The following CTIF variants were observed in gnomAD, a reference collection of about 807,000 sequenced individuals.
CTIF encodes the protein cap binding complex dependent translation initiation factor.
In CTIF, 21 loss-of-function variants were observed where a neutral mutation model predicts 66.0. That is an observed-to-expected ratio of 0.32 (90% CI 0.23 to 0.46). CTIF has a LOEUF of 0.46. CTIF is among the 20% of genes least tolerant of loss of function. The pLI is 1.00. For synonymous variants in CTIF, 345 were observed against 326.4 expected (o/e 1.06, Z -0.62); for missense variants, 739 against 812.7 (o/e 0.91, Z 1.10).
At chr18:48,709,335 T>A (rs1007105860) in intron 6 of CTIF, among the ~76,000 whole-genome samples, 4 of 152,340 alleles carry the variant, frequency 2.6e-5, no homozygotes, top group African/African-American at 9.6e-5. Context: ...AACAGTGGCT[T>A]CATGAGAAGC....
rs574913577 is a variant in CTIF at position 48,639,337 on chromosome 18, T to G, written c.252+2652T>G. ...CCTGGTGCTGAGCTCCCGGTGGGCT[T>G]GAAGCCAGGGACCTGCCTTCAAGGG... On this transcript the variant is annotated intron_variant, in intron 3 of 11. Coordinates refer to ENST00000256413, the MANE Select transcript of CTIF (RefSeq NM_014772.3). Among the ~76,000 whole-genome samples the G allele has an allele frequency of 3.3e-3, 505 of 152,256 alleles. 3 individuals carry two copies. Among genetic ancestry groups the G allele is most frequent in the African/African-American group, 0.011 (453 of 41,548 alleles).
intron 1 of CTIF, among the ~76,000 whole-genome samples, chr18:48,610,365 A>G (rs1325125359): frequency 1.9e-5 from 2 of 103,922 alleles, no homozygotes; most frequent in Non-Finnish European, 4.6e-5. Context: ...CAGGACCTGC[A>G]CGTCACAGAG....
intron 7 of CTIF, chr18:48,755,648 T>G (rs1908283677): frequency 6.6e-6 from 1 of 152,192 alleles, no homozygotes; most frequent in African/African-American, 2.4e-5. Flanking sequence ...CACCCAAGTG[T>G]CAAGGCAACA....
chr18:48,635,815 C>A (rs1212893937), intron 2 of CTIF, among the ~76,000 whole-genome samples: 1 of 152,232 alleles, frequency 6.6e-6, no homozygotes, highest in Non-Finnish European at 1.5e-5. Flanking sequence ...AAAGGTCTTT[C>A]ATCCCAGCCT....
At chr18:48,586,749 A>G (rs1395671005) in intron 1 of CTIF, among the ~76,000 whole-genome samples, 1 of 152,144 alleles carries the variant, frequency 6.6e-6, no homozygotes, top group Non-Finnish European at 1.5e-5. Flanking sequence ...TATTTTAGTT[A>G]GAGTCTTAAT....
intron 2 of CTIF, among the ~76,000 whole-genome samples, chr18:48,624,112 A>G (rs112364541): frequency 0.22 from 9,858 of 44,160 alleles, 739 homozygotes; most frequent in South Asian, 0.31. Context: ...TTGACACCAC[A>G]CCCCTCCCCA....
chr18:48,773,720 G>A (rs72913705), intron 9 of CTIF, among the ~76,000 whole-genome samples: 5,333 of 152,282 alleles, frequency 0.035, 107 homozygotes, highest in Non-Finnish European at 0.045. Flanking sequence ...TAGAGACTCC[G>A]CACAGGGTGC....
intron 9 of CTIF, among the ~76,000 whole-genome samples, chr18:48,770,284 A>G (rs796983312): frequency 1.6e-4 from 25 of 152,330 alleles, no homozygotes; most frequent in African/African-American, 5.5e-4. Context: ...CTGCAAAACC[A>G]AGTGCCCAGC....
intron 3 of CTIF, among the ~76,000 whole-genome samples, chr18:48,648,378 C>T (rs1231555529): frequency 6.6e-6 from 1 of 152,094 alleles, no homozygotes; most frequent in African/African-American, 2.4e-5. Context: ...CTCTGCTGGG[C>T]TCTGCCCTGC....
intron 5 of CTIF, among the ~76,000 whole-genome samples, chr18:48,666,286 A>G (rs2091433994): frequency 6.6e-6 from 1 of 152,054 alleles, no homozygotes; most frequent in Non-Finnish European, 1.5e-5. Context: ...TCCTGCTGCT[A>G]TATTTGTCCC....
Position 48,663,841 on chromosome 18 carries a change from C to T in CTIF, c.326+16C>T. 6.2e-7 allele frequency: 1 copy of T among 1,612,792 alleles called. No homozygotes were observed. Among genetic ancestry groups the T allele is most frequent in the Non-Finnish European group, 8.5e-7 (1 of 1,178,764 alleles). On this transcript the variant is annotated intron_variant, in intron 4 of 11. Transcript: ENST00000256413. Reference sequence around the variant, plus strand: ...ATTCCTTCAGGTAACCTCCTCCTCCCTCCTTCCCTGTGGTGTGAGGTCCAG... The same window carrying T: ...ATTCCTTCAGGTAACCTCCTCCTCCTTCCTTCCCTGTGGTGTGAGGTCCAG...
intron 9 of CTIF, among the ~76,000 whole-genome samples, chr18:48,762,063 TTCCA>T (rs1324309001): frequency 6.6e-6 from 1 of 152,238 alleles, no homozygotes; most frequent in East Asian, 1.9e-4. Flanking sequence ...TTCCTCCTCC[TTCCA>T]CCCAGGGCTA....
At chr18:48,664,373 C>T in intron 4 of CTIF, 74 bp from the exon 5 acceptor site, 2 of 1,336,420 alleles carry the variant, frequency 1.5e-6, no homozygotes, top group Non-Finnish European at 2.1e-6. Context: ...CAGGTTCAGC[C>T]TGGCCCCCTG....
chr18:48,568,887 G>A (rs1216053952), intron 1 of CTIF, among the ~76,000 whole-genome samples: 1 of 152,116 alleles, frequency 6.6e-6, no homozygotes, highest in Admixed American at 6.6e-5. Context: ...TCTCCCACCA[G>A]GAGGGTCCCT....
chr18:48,834,068 C>G (rs778412737), intron 10 of CTIF, among the ~76,000 whole-genome samples: 124 of 151,194 alleles, frequency 8.2e-4, no homozygotes, highest in Non-Finnish European at 1.0e-3. Flanking sequence ...CTTCCTTTCC[C>G]TTCTCTCTGT....
At chr18:48,846,762 G>T (rs2069087751) in intron 10 of CTIF, among the ~76,000 whole-genome samples, 1 of 151,568 alleles carries the variant, frequency 6.6e-6, no homozygotes, top group South Asian at 2.1e-4. Flanking sequence ...TGAGTAGATG[G>T]ATGAAAGGAT....
intron 1 of CTIF, among the ~76,000 whole-genome samples, chr18:48,577,032 G>A (rs1033739491): frequency 2.6e-5 from 4 of 152,240 alleles, no homozygotes; most frequent in African/African-American, 9.6e-5. Context: ...CAGAGCCCTG[G>A]TGTCAGGGTG....
Position 48,545,882 on chromosome 18 carries a change from C to T in CTIF, c.-29+6570C>T, listed in dbSNP as rs149899458. Among the ~76,000 whole-genome samples, 301 of 151,994 alleles carry T rather than the reference C, an allele frequency of 2.0e-3. 1 individual carries two copies. The highest frequency in any genetic ancestry group is 5.9e-3 in the African/African-American group (246 of 41,464). On this transcript the variant is annotated intron_variant, in intron 1 of 11. Coordinates refer to ENST00000256413, the MANE Select transcript of CTIF (RefSeq NM_014772.3). ...TCAGATAATCCTTTGTCATGCCGGC[C>T]GCTGTCGTCAGGGAAGCCAGGCGGG...
intron 3 of CTIF, among the ~76,000 whole-genome samples, chr18:48,643,080 C>G (rs758292426): frequency 6.6e-6 from 1 of 152,148 alleles, no homozygotes; most frequent in Non-Finnish European, 1.5e-5. Flanking sequence ...TAGCAGCTTC[C>G]CGGAGGCTGG....
Sources: gnomAD v4.1 joint callset for allele counts (sites outside exome capture counted in the v4.1 genomes callset) on GRCh38, gnomAD v4.1.1 for gene constraint, MANE v1.5 for transcripts, NCBI Gene and HGNC (gene_info 2026-07-23, HGNC 2026-07-21) for gene names.